The following VPS28 variants were observed in gnomAD, a reference collection of about 807,000 sequenced individuals.
The protein encoded by VPS28 is vacuolar protein sorting-associated protein 28 homolog.
VPS28 carries 29 observed loss-of-function variants against 33.7 expected under a neutral mutation model. That is an observed-to-expected ratio of 0.86 (90% confidence interval 0.64 to 1.17). VPS28 has a LOEUF of 1.17. Among genes scored for constraint, VPS28 ranks in the 50% most tolerant of loss-of-function variants. The pLI is 0.00. For missense variants in VPS28, 247 were observed against 312.2 expected, an observed-to-expected ratio of 0.79 and a Z score of 1.57; for synonymous variants, 164 against 116.7, an observed-to-expected ratio of 1.40 and a Z score of -2.61.
At chr8:144,427,598 G>C (rs568439300) in intron 1 of VPS28, among the ~76,000 whole-genome samples, 146 of 152,298 alleles carry the variant, frequency 9.6e-4, no homozygotes, top group Non-Finnish European at 1.7e-3. Flanking sequence ...TTAACAGCCC[G>C]CCTTTAAGTA....
intron 7 of VPS28, 192 bp downstream of exon 7, chr8:144,424,526 C>T (rs1227736767): frequency 1.0e-5 from 8 of 799,560 alleles, no homozygotes; most frequent in South Asian, 3.5e-5. Flanking sequence ...CTCATCCCCC[C>T]GACAGGAGTC....
At position 144,424,067 on chromosome 8, in the gene VPS28, A is replaced by T; in HGVS notation, c.522T>A (p.Phe174Leu). 6.4e-7 allele frequency: 1 copy of T among 1,568,462 alleles called. No individual in the cohort carries two copies. The highest frequency in any genetic ancestry group is 2.3e-5 in the East Asian group (1 of 44,324). ...ACTGGCTGACCGTCTGGCGGCCCTC[A>T]AAGTCGGGTGGGAGGTGGCTCATGC... is the stretch of plus-strand genomic sequence containing the variant. ...MHRMSHLPPDFEGRQTVSQWL... is the reference protein window; with the variant it reads ...MHRMSHLPPDLEGRQTVSQWL... The change falls in exon 9 of 10, where the codon TTT becomes TTA. Residue 174 changes from phenylalanine to leucine, a missense_variant. Around this residue, in one of 3 missense-constraint regions of VPS28, gnomAD observed 95 missense variants for 118.3 expected, o/e 0.80. Transcript: ENST00000292510.
At chr8:144,425,563 C>G (rs782191770) in intron 5 of VPS28, 120 bp downstream of exon 5, 6 of 1,070,044 alleles carry the variant, frequency 5.6e-6, no homozygotes, top group East Asian at 2.5e-5. Context: ...ACCCTCCTCA[C>G]GCTGGGTGGG....
At position 144,425,007 on chromosome 8, in the gene VPS28, G is replaced by A. The variant is rs948047369; in HGVS notation, c.239C>T (p.Ala80Val). Residue 80 changes from alanine to valine, a missense_variant, in exon 6 of 10, where the codon GCC becomes GTC. Ala to Val is a moderately conservative substitution (Grantham distance 64). Transcript: ENST00000292510. Reference protein sequence around the residue: ...CSRLLVQYKAAFRQVQGSEIS... With the variant: ...CSRLLVQYKAVFRQVQGSEIS... Reference sequence around the variant, plus strand: ...TTCTGAGCCCTGGACCTGCCTGAAGGCAGCTTTGTATTGGACCAGGAGCCG... The same window carrying A: ...TTCTGAGCCCTGGACCTGCCTGAAGACAGCTTTGTATTGGACCAGGAGCCG... 16 of 1,555,226 alleles carry A rather than the reference G, an allele frequency of 1.0e-5. No homozygotes were observed. The Admixed American group carries it at 2.1e-4, about 21-fold the overall frequency.
At chr8:144,425,916 A>G in intron 4 of VPS28, 110 bp downstream of exon 4, 1 of 1,487,906 alleles carries the variant, frequency 6.7e-7, no homozygotes, top group Non-Finnish European at 9.0e-7. Flanking sequence ...AGTTCCCCAG[A>G]CTGACCCTGC....
In VPS28 at chr8:144,425,071, T is replaced by C; in HGVS notation, c.195-20A>G. 1 of 1,547,082 alleles carries C rather than the reference T, an allele frequency of 6.5e-7. No homozygotes were observed. The highest frequency in any genetic ancestry group is 8.7e-7 in the Non-Finnish European group (1 of 1,143,298). On this transcript the variant is annotated intron_variant, in intron 5 of 9. Coordinates refer to ENST00000292510, the MANE Select transcript of VPS28 (RefSeq NM_016208.4). ...GTGTACCTAGGGAGAGGTCAGCTGC[T>C]GCCCAAGCATGGGACCAGCCCCACC...
intron 1 of VPS28, among the ~76,000 whole-genome samples, chr8:144,428,254 G>A (rs1032092391): frequency 7.2e-5 from 11 of 152,254 alleles, no homozygotes; most frequent in African/African-American, 2.4e-4. Flanking sequence ...CCACGCAGGA[G>A]CTTCTGCCTA....
chr8:144,425,526 G>A, intron 5 of VPS28, 157 bp downstream of exon 5: 2 of 724,678 alleles, frequency 2.8e-6, no homozygotes, highest in East Asian at 2.7e-5. Context: ...CCAGCCCCCA[G>A]GACTTCCCTG....
rs145568826 is a variant in VPS28, at chr8:144,424,052, C to T, written c.537G>A (p.Thr179=). ...GGAGGGACACCCACCACTGGCTGAC[C>T]GTCTGGCGGCCCTCAAAGTCGGGTG... is the stretch of plus-strand genomic sequence containing the variant. ...HLPPDFEGRQ[T]VSQWLQTLSG... The change falls in exon 9 of 10, where the codon ACG becomes ACA. Residue 179 remains threonine, a synonymous_variant. Transcript: ENST00000292510. 22 of 1,575,502 alleles carry T rather than the reference C, an allele frequency of 1.4e-5. No homozygotes were observed. The highest frequency in any genetic ancestry group is 1.6e-5 in the Non-Finnish European group (19 of 1,157,336).
chr8:144,425,093 C>T (rs1554876389), intron 5 of VPS28, 42 bp from the exon 6 acceptor site: 2 of 1,521,626 alleles, frequency 1.3e-6, no homozygotes, highest in East Asian at 4.9e-5. Flanking sequence ...GGACCAGCCC[C>T]ACCCAGCTCA....
At chr8:144,425,113 C>A in intron 5 of VPS28, 62 bp from the exon 6 acceptor site, 1 of 1,463,494 alleles carries the variant, frequency 6.8e-7, no homozygotes, top group South Asian at 1.2e-5. Context: ...ATCCTACCCC[C>A]TCGGCTGGTC....
intron 2 of VPS28, 74 bp downstream of exon 2, chr8:144,426,835 T>C (rs1483964587): frequency 2.6e-6 from 4 of 1,559,178 alleles, no homozygotes; most frequent in Non-Finnish European, 3.5e-6. Flanking sequence ...CCACCCCCGA[T>C]CCCCAATACC....
At chr8:144,428,177 C>T (rs1822938029) in intron 1 of VPS28, among the ~76,000 whole-genome samples, 1 of 152,182 alleles carries the variant, frequency 6.6e-6, no homozygotes. Flanking sequence ...GGGGTGGGGA[C>T]CGAGGCTGCT....
Position 144,424,839 on chromosome 8 carries a change from T to C in VPS28, c.301-20A>G. The C allele has an allele frequency of 6.2e-7, 1 of 1,613,416 alleles. No individual in the cohort carries two copies. Among genetic ancestry groups the C allele is most frequent in the Non-Finnish European group, 8.5e-7 (1 of 1,179,672 alleles). On this transcript the variant is annotated intron_variant, in intron 6 of 9. Transcript: ENST00000292510. ...GTCCAGCTGTTGGGGGTGACATGGGTGCTGGGGCTCTCAGGACAGCAAGCC... is the reference window on the plus strand; with the variant it reads ...GTCCAGCTGTTGGGGGTGACATGGGCGCTGGGGCTCTCAGGACAGCAAGCC...
rs1182118126 is a variant in VPS28 at position 144,428,477 on chromosome 8, G to C, written c.-35+12C>G. On this transcript the variant is annotated intron_variant, in intron 1 of 9. Transcript: ENST00000292510. ...CTGCCCCTTCCCCGCCCACCGGCCG[G>C]GCCCCGGGTACCTGGACGGCTCGCG... 3 of 152,266 alleles carry C rather than the reference G, an allele frequency of 2.0e-5. No homozygotes were observed. Among genetic ancestry groups the C allele is most frequent in the Admixed American group, 1.3e-4 (2 of 15,292 alleles). The allele number at this position is 152,266 out of a possible 1,614,324, so 9.4% of individuals were successfully genotyped here. A position where few individuals can be genotyped will look rare whatever the true frequency, so the allele number is the denominator to read the frequency against.
Position 144,426,319 on chromosome 8 carries a change from CAA to C in VPS28, c.38-113_38-112del, listed in dbSNP as rs782645097. On this transcript the variant is annotated intron_variant, in intron 2 of 9. Coordinates refer to ENST00000292510, the MANE Select transcript of VPS28 (RefSeq NM_016208.4). ...CCCTGAGGCCTCCCAGGCTGGGTCC[CAA>C]AGAGCCCAGAGGGAGCTGGAGCACA... 2.5e-5 allele frequency: 35 copies of C among 1,388,742 alleles called. No homozygotes were observed. In the East Asian group the frequency reaches 3.8e-4, roughly 15 times the overall value. 86.0% of individuals were successfully genotyped at this position (1,388,742 alleles called of 1,614,324 possible). A position where few individuals can be genotyped will look rare whatever the true frequency, so the allele number is the denominator to read the frequency against.
At position 144,423,770 on chromosome 8, in the gene VPS28, C is replaced by T. The variant is rs782187435; in HGVS notation, c.*35G>A. ...GGGGACCAGGAGCCATCGCCTCAGACTCTGCCCTTCTGTGCAAGGGCTAGT... is the reference window on the plus strand; with the variant it reads ...GGGGACCAGGAGCCATCGCCTCAGATTCTGCCCTTCTGTGCAAGGGCTAGT... On this transcript the variant is annotated 3_prime_UTR_variant, in exon 10 of 10. Coordinates refer to ENST00000292510, the MANE Select transcript of VPS28 (RefSeq NM_016208.4). 1 of 1,612,490 alleles carries T rather than the reference C, an allele frequency of 6.2e-7. No individual in the cohort carries two copies. Among genetic ancestry groups the T allele is most frequent in the Admixed American group, 1.7e-5 (1 of 60,006 alleles).
chr8:144,426,041 G>A lies in VPS28; in HGVS notation c.89C>T (p.Ala30Val). ...LYEEVKLYKNAREREKYDNMA... is the reference protein window; with the variant it reads ...LYEEVKLYKNVREREKYDNMA... ...CTGGACTTACTTCTCCCTCTCCCGG[G>A]CGTTCTTGTACAACTTCACTTCCTG... The change falls in exon 4 of 10, where the codon GCC becomes GTC. Residue 30 changes from alanine (A) to valine (V), a missense_variant. By Grantham distance (64) the Ala-to-Val change is moderately conservative (BLOSUM62 0). Transcript: ENST00000292510. The A allele has an allele frequency of 6.5e-7, 1 of 1,531,934 alleles. No individual in the cohort carries two copies. The highest frequency in any genetic ancestry group is 8.8e-7 in the Non-Finnish European group (1 of 1,132,718). 94.9% of individuals were successfully genotyped at this position (1,531,934 alleles called of 1,614,324 possible). A position where few individuals can be genotyped will look rare whatever the true frequency, so the allele number is the denominator to read the frequency against.
At chr8:144,424,299 T>A in intron 7 of VPS28, 31 bp from the exon 8 acceptor site, 1 of 1,559,280 alleles carries the variant, frequency 6.4e-7, no homozygotes. Context: ...GAGGCTCGCG[T>A]GTCCACGGGT....
Sources: allele counts gnomAD v4.1 joint callset (sites outside exome capture counted in the v4.1 genomes callset), GRCh38; gene constraint gnomAD v4.1.1; regional missense constraint gnomAD v4.1.1; transcripts MANE v1.5; gene names NCBI Gene and HGNC (gene_info 2026-07-23, HGNC 2026-07-21).